Variants in CNTNAP2 observed in about 807,000 individuals in gnomAD.
CNTNAP2 encodes contactin-associated protein-like 2.
Under a neutral mutation model 155.2 loss-of-function variants are expected in CNTNAP2, and 98 were observed. The observed-to-expected ratio is 0.63, with a 90% confidence interval of 0.54 to 0.75. CNTNAP2 has a LOEUF of 0.75. Among genes scored for constraint, CNTNAP2 ranks in the 30% least tolerant of loss-of-function variants. The pLI is 0.00. For missense variants in CNTNAP2, 1,727 were observed against 1,688.1 expected (o/e 1.02, Z -0.40); for synonymous variants, 651 against 631.2 (o/e 1.03, Z -0.47).
intron 20 of CNTNAP2, among the ~76,000 whole-genome samples, chr7:148,266,337 G>T (rs1370771118): frequency 6.6e-6 from 1 of 152,180 alleles, no homozygotes; most frequent in Non-Finnish European, 1.5e-5. Flanking sequence ...CAGCTGAGAA[G>T]ATAAGGCAGG....
At chr7:148,299,710 A>T (rs777899542) in intron 21 of CNTNAP2, among the ~76,000 whole-genome samples, 71 of 152,324 alleles carry the variant, frequency 4.7e-4, no homozygotes, top group Middle Eastern at 6.8e-3. Context: ...GAAATATTGG[A>T]TGTAAGGTAC....
chr7:147,064,187 A>G (rs774737356), intron 4 of CNTNAP2, among the ~76,000 whole-genome samples: 1 of 150,838 alleles, frequency 6.6e-6, no homozygotes, highest in African/African-American at 2.5e-5. Flanking sequence ...GTGTCATTTT[A>G]ATTTTTAATT....
intron 15 of CNTNAP2, among the ~76,000 whole-genome samples, chr7:148,096,565 A>G (rs1465653729): frequency 6.6e-6 from 1 of 152,164 alleles, no homozygotes; most frequent in African/African-American, 2.4e-5. Flanking sequence ...CCACCACGTC[A>G]TAAAGGTTTG....
At chr7:146,413,243 A>T (rs1424735034) in intron 1 of CNTNAP2, among the ~76,000 whole-genome samples, 1 of 152,188 alleles carries the variant, frequency 6.6e-6, no homozygotes, top group Non-Finnish European at 1.5e-5. Context: ...GTCCAGCCTC[A>T]TGAGAGAAGA....
chr7:148,272,667 A>G (rs535239844), intron 21 of CNTNAP2, among the ~76,000 whole-genome samples: 1 of 152,340 alleles, frequency 6.6e-6, no homozygotes, highest in South Asian at 2.1e-4. Flanking sequence ...CAATCACCTA[A>G]ATAGAAGATG....
At chr7:147,374,292 G>C (rs1167406646) in intron 9 of CNTNAP2, among the ~76,000 whole-genome samples, 1 of 151,886 alleles carries the variant, frequency 6.6e-6, no homozygotes, top group Admixed American at 6.6e-5. Flanking sequence ...CAACTAAATA[G>C]CTAAATGTCT....
chr7:146,421,353 T>A (rs1022981085), intron 1 of CNTNAP2, among the ~76,000 whole-genome samples: 1 of 151,986 alleles, frequency 6.6e-6, no homozygotes, highest in African/African-American at 2.4e-5. Flanking sequence ...GTGAAAAACA[T>A]AAACAAATGT....
intron 1 of CNTNAP2, among the ~76,000 whole-genome samples, chr7:146,303,072 A>G (rs375784093): frequency 1.1e-4 from 15 of 136,492 alleles, no homozygotes; most frequent in South Asian, 7.4e-4. Flanking sequence ...CTTTGTGTGC[A>G]TGTGTGTGTG....
At chr7:147,055,649 T>C (rs1320920109) in intron 4 of CNTNAP2, among the ~76,000 whole-genome samples, 1 of 152,128 alleles carries the variant, frequency 6.6e-6, no homozygotes, top group Non-Finnish European at 1.5e-5. Context: ...GGGTTGTCCT[T>C]GGGAACAGAG....
intron 1 of CNTNAP2, among the ~76,000 whole-genome samples, chr7:146,227,402 G>T (rs1163562552): frequency 7.4e-6 from 1 of 135,902 alleles, no homozygotes; most frequent in Non-Finnish European, 1.5e-5. Flanking sequence ...TCCAGCCTGG[G>T]CAACAGAGTG....
At chr7:147,736,461 T>C (rs1474734881) in intron 13 of CNTNAP2, among the ~76,000 whole-genome samples, 4 of 152,118 alleles carry the variant, frequency 2.6e-5, no homozygotes, top group East Asian at 3.9e-4. Context: ...AACATTTTTT[T>C]CTTCATTTCA....
chr7:146,255,052 T>C (rs547842319), intron 1 of CNTNAP2, among the ~76,000 whole-genome samples: 1 of 151,982 alleles, frequency 6.6e-6, no homozygotes, highest in South Asian at 2.1e-4. Flanking sequence ...AGACTGTTAG[T>C]GTGGTGGTAA....
At chr7:146,631,572 C>G (rs1374918424) in intron 1 of CNTNAP2, among the ~76,000 whole-genome samples, 1 of 152,114 alleles carries the variant, frequency 6.6e-6, no homozygotes, top group East Asian at 1.9e-4. Context: ...TTCACTTGTT[C>G]TTTACAAGAG....
intron 15 of CNTNAP2, among the ~76,000 whole-genome samples, chr7:147,990,846 T>C (rs753884160): frequency 1.5e-4 from 23 of 152,252 alleles, no homozygotes; most frequent in Admixed American, 7.8e-4. Context: ...GTAATCATGA[T>C]TGATTAAATC....
rs139349137 is a variant in CNTNAP2, at chr7:147,304,924, G to A, written c.1498+4634G>A. Reference sequence around the variant, plus strand: ...TGCTGAGGGCACATAATGAGAAGCTGCAGACAACCATTTTGTTATTGTATG... The same window carrying A: ...TGCTGAGGGCACATAATGAGAAGCTACAGACAACCATTTTGTTATTGTATG... On this transcript the variant is annotated intron_variant, in intron 9 of 23. Coordinates refer to ENST00000361727, the MANE Select transcript of CNTNAP2 (RefSeq NM_014141.6). Among the ~76,000 whole-genome samples the A allele has an allele frequency of 9.8e-5, 15 of 152,304 alleles. No individual in the cohort carries two copies. In the East Asian group the frequency reaches 2.9e-3, roughly 29 times the overall value.
chr7:147,701,239 C>T (rs1226651158), intron 13 of CNTNAP2, among the ~76,000 whole-genome samples: 1 of 152,064 alleles, frequency 6.6e-6, no homozygotes, highest in African/African-American at 2.4e-5. Flanking sequence ...TAAAATGACC[C>T]TAGTGTAAAG....
chr7:147,570,261 T>G (rs1232201296), intron 12 of CNTNAP2, among the ~76,000 whole-genome samples: 3 of 152,204 alleles, frequency 2.0e-5, no homozygotes, highest in Non-Finnish European at 4.4e-5. Flanking sequence ...GAGGGTATTA[T>G]GCCTGGTGTA....
intron 1 of CNTNAP2, among the ~76,000 whole-genome samples, chr7:146,661,599 T>A (rs898615829): frequency 6.6e-6 from 1 of 152,182 alleles, no homozygotes; most frequent in African/African-American, 2.4e-5. Context: ...GTATAGCATG[T>A]ATCAGTAGTT....
intron 12 of CNTNAP2, among the ~76,000 whole-genome samples, chr7:147,564,264 G>A (rs1449963925): frequency 1.4e-5 from 2 of 140,442 alleles, no homozygotes; most frequent in Non-Finnish European, 3.3e-5. Context: ...CTAGCTCCCA[G>A]TTTAATTTTT....
Sources: allele counts gnomAD v4.1 joint callset (sites outside exome capture counted in the v4.1 genomes callset), GRCh38; gene constraint gnomAD v4.1.1; transcripts MANE v1.5; gene names NCBI Gene and HGNC (gene_info 2026-07-23, HGNC 2026-07-21).